RHPN2: variants seen among roughly 807,000 people sequenced by gnomAD.
RHPN2 encodes rhophilin-2.
RHPN2 carries 40 observed loss-of-function variants against 79.0 expected under a neutral mutation model. That is an observed-to-expected ratio of 0.51 (90% confidence interval 0.39 to 0.66). The LOEUF (loss-of-function observed/expected upper bound fraction) is 0.66, where lower values mean the gene tolerates loss of function less well. RHPN2 is among the 30% of genes least tolerant of loss of function. RHPN2 has a pLI of 0.00. For synonymous variants in RHPN2, 285 were observed against 363.5 expected, an observed-to-expected ratio of 0.78 and a Z score of 2.46; for missense variants, 686 against 883.5, an observed-to-expected ratio of 0.78 and a Z score of 2.83.
chr19:32,999,279 G>A (rs1263572245), intron 10 of RHPN2, among the ~76,000 whole-genome samples: 1 of 152,082 alleles, frequency 6.6e-6, no homozygotes, highest in Non-Finnish European at 1.5e-5. Context: ...CCATGCATAA[G>A]GAAATCAACA....
intron 2 of RHPN2, 29 bp from the exon 3 acceptor site, chr19:33,026,661 C>A: frequency 6.3e-7 from 1 of 1,598,336 alleles, no homozygotes. Flanking sequence ...GAGAGAAGTG[C>A]CCTCAGCCAG....
At position 32,999,847 on chromosome 19, in the gene RHPN2, G is replaced by A. The variant is rs186302893; in HGVS notation, c.1106-142C>T. ...GATCATGGGTCTCCTTTCTGCCCCC[G>A]GACACACCCCAGGCCGTCTAACCCT... On this transcript the variant is annotated intron_variant, in intron 9 of 14. Transcript: ENST00000254260. The A allele has an allele frequency of 2.3e-3, 2,440 of 1,071,306 alleles. 16 individuals carry two copies. Among genetic ancestry groups the A allele is most frequent in the Admixed American group, 0.021 (1,022 of 47,718 alleles). 66.4% of individuals were successfully genotyped at this position (1,071,306 alleles called of 1,614,324 possible).
At chr19:33,013,190 A>G (rs1251271320) in intron 4 of RHPN2, among the ~76,000 whole-genome samples, 1 of 76,526 alleles carries the variant, frequency 1.3e-5, no homozygotes, top group African/African-American at 6.9e-5. Flanking sequence ...TTTTTTTTTA[A>G]AAAAACAAAA....
chr19:33,047,937 A>G (rs906021796), intron 1 of RHPN2, among the ~76,000 whole-genome samples: 2 of 152,116 alleles, frequency 1.3e-5, no homozygotes, highest in Admixed American at 6.6e-5. Flanking sequence ...AAATTTTTAA[A>G]TAATAATAAA....
rs1971925044 is a variant in RHPN2 at position 33,021,662 on chromosome 19, C to T, written c.315-16G>A. Reference sequence around the variant, plus strand: ...AAATGCCTCCCTATGAGGAACACAACAAGGTATGTATGAACACCCCCAACC... The same window carrying T: ...AAATGCCTCCCTATGAGGAACACAATAAGGTATGTATGAACACCCCCAACC... On this transcript the variant is annotated splice_polypyrimidine_tract_variant and intron_variant, in intron 3 of 14. Coordinates refer to ENST00000254260, the MANE Select transcript of RHPN2 (RefSeq NM_033103.5). 2 of 1,609,332 alleles carry T rather than the reference C, an allele frequency of 1.2e-6. No individual in the cohort carries two copies. Among genetic ancestry groups the T allele is most frequent in the Non-Finnish European group, 1.7e-6 (2 of 1,175,736 alleles).
chr19:33,036,663 G>A (rs945956181), intron 2 of RHPN2, among the ~76,000 whole-genome samples: 3 of 152,212 alleles, frequency 2.0e-5, no homozygotes, highest in Non-Finnish European at 4.4e-5. Flanking sequence ...GGGAACCAGG[G>A]CTGCCCGCGG....
At chr19:32,987,388 G>A (rs966586866) in intron 14 of RHPN2, among the ~76,000 whole-genome samples, 2 of 152,032 alleles carry the variant, frequency 1.3e-5, no homozygotes, top group African/African-American at 4.8e-5. Context: ...AAAATCCATT[G>A]GCTCTCTGGC....
At chr19:33,036,724 G>T (rs372795176) in intron 2 of RHPN2, among the ~76,000 whole-genome samples, 4 of 152,202 alleles carry the variant, frequency 2.6e-5, no homozygotes, top group Admixed American at 1.3e-4. Flanking sequence ...GACGGGCCCC[G>T]CACTAGGAGC....
chr19:33,035,012 C>G (rs181675415), intron 2 of RHPN2, among the ~76,000 whole-genome samples: 1 of 151,898 alleles, frequency 6.6e-6, no homozygotes, highest in African/African-American at 2.4e-5. Context: ...CTGTCACCCA[C>G]GCTGGAGTGC....
chr19:33,008,115 A>G lies in RHPN2; in HGVS notation c.659T>C (p.Leu220Pro). 6.2e-7 allele frequency: 1 copy of G among 1,614,108 alleles called. No homozygotes were observed. The highest frequency in any genetic ancestry group is 8.5e-7 in the Non-Finnish European group (1 of 1,179,982). Residue 220 changes from leucine to proline, a missense_variant, in exon 7 of 15, where the codon CTG becomes CCG. By Grantham distance (98) the Leu-to-Pro change is moderately conservative. Transcript: ENST00000254260. ...QNLLLEKASV[L>P]FNTGALYTQI... ...GGTGTAGAGGGCCCCAGTGTTGAAC[A>G]GGACACTGGCCTTCTCCAGCAGCAG...
At chr19:33,052,574 A>G (rs1322535924) in intron 1 of RHPN2, among the ~76,000 whole-genome samples, 1 of 152,246 alleles carries the variant, frequency 6.6e-6, no homozygotes, top group Non-Finnish European at 1.5e-5. Flanking sequence ...GCTTGTTTAT[A>G]AGTCAGCCAG....
intron 4 of RHPN2, among the ~76,000 whole-genome samples, chr19:33,017,100 C>T (rs1323125709): frequency 8.5e-5 from 13 of 152,114 alleles, no homozygotes; most frequent in Admixed American, 3.9e-4. Flanking sequence ...CATTCTTGGC[C>T]GGATGCAGTG....
intron 14 of RHPN2, among the ~76,000 whole-genome samples, chr19:32,981,585 C>G (rs984582018): frequency 1.3e-5 from 2 of 151,364 alleles, no homozygotes; most frequent in Admixed American, 6.6e-5. Flanking sequence ...CCATGTTATA[C>G]TTCTAGAGAT....
chr19:32,991,773 A>G, intron 13 of RHPN2, 50 bp downstream of exon 13: 1 of 1,613,260 alleles, frequency 6.2e-7, no homozygotes, highest in African/African-American at 1.3e-5. Flanking sequence ...CCTAAATTCA[A>G]TCACCCAGAT....
intron 1 of RHPN2, among the ~76,000 whole-genome samples, chr19:33,045,138 G>C (rs555045732): frequency 6.8e-6 from 1 of 146,972 alleles, no homozygotes; most frequent in African/African-American, 2.5e-5. Context: ...TGCAATCTCC[G>C]ACTCCTGGGT....
At chr19:33,044,052 C>T (rs1972122335) in intron 2 of RHPN2, among the ~76,000 whole-genome samples, 197 bp downstream of exon 2, 1 of 151,976 alleles carries the variant, frequency 6.6e-6, no homozygotes. Context: ...ATCTCCCACC[C>T]ACCCAATCCC....
chr19:33,046,225 T>C (rs1972141711), intron 1 of RHPN2, among the ~76,000 whole-genome samples: 1 of 152,184 alleles, frequency 6.6e-6, no homozygotes, highest in African/African-American at 2.4e-5. Context: ...AATATAGAAA[T>C]AAAATGTCTA....
At chr19:33,010,637 C>T (rs1354596701) in intron 6 of RHPN2, among the ~76,000 whole-genome samples, 1 of 151,980 alleles carries the variant, frequency 6.6e-6, no homozygotes, top group African/African-American at 2.4e-5. Context: ...CCTGCCTTGG[C>T]CTCCCAAAGT....
At chr19:33,051,769 ATGGCACTTT>A (rs1333412508) in intron 1 of RHPN2, 1 of 170,402 alleles carries the variant, frequency 5.9e-6, no homozygotes, top group African/African-American at 2.4e-5. Flanking sequence ...GTGTATAATC[ATGGCACTTT>A]GGGAGGCTGA....
Sources: allele counts gnomAD v4.1 joint callset (sites outside exome capture counted in the v4.1 genomes callset), GRCh38; gene constraint gnomAD v4.1.1; transcripts MANE v1.5; gene names NCBI Gene and HGNC (gene_info 2026-07-23, HGNC 2026-07-21).